Variants in WHAMM observed in about 807,000 individuals in gnomAD.
WHAMM encodes WASP homolog associated with actin, golgi membranes and microtubules, also known as WASP homolog-associated protein with actin, membranes and microtubules.
In WHAMM, 67 loss-of-function variants were observed where a neutral mutation model predicts 76.5. The observed-to-expected ratio is 0.88, with a 90% confidence interval of 0.72 to 1.07. The LOEUF (loss-of-function observed/expected upper bound fraction) is 1.07. WHAMM is among the 50% of genes least tolerant of loss of function. WHAMM has a pLI of 0.00. For synonymous variants in WHAMM, 419 were observed against 422.1 expected (o/e 0.99, Z 0.09); for missense variants, 1,021 against 1,051.1 (o/e 0.97, Z 0.40).
intron 9 of WHAMM, 80 bp from the exon 10 acceptor site, chr15:82,833,149 T>C (rs2051059799): frequency 1.4e-6 from 2 of 1,440,442 alleles, no homozygotes; most frequent in Non-Finnish European, 1.9e-6. Context: ...TGATAGGAGA[T>C]TTCACAATTT....
At chr15:82,823,050 T>C in intron 5 of WHAMM, 50 bp from the exon 6 acceptor site, 1 of 1,267,714 alleles carries the variant, frequency 7.9e-7, no homozygotes, top group Non-Finnish European at 1.0e-6. Flanking sequence ...ATTCAATGCA[T>C]TTTTTAAAAT....
chr15:82,810,094 G>A lies in WHAMM; in HGVS notation c.368G>A (p.Gly123Glu). 7.8e-7 allele frequency: 1 copy of A among 1,276,154 alleles called. No homozygotes were observed. Among genetic ancestry groups the A allele is most frequent in the Non-Finnish European group, 9.9e-7 (1 of 1,010,054 alleles). The allele number at this position is 1,276,154 out of a possible 1,614,324, so 79.1% of individuals were successfully genotyped here. A position where few individuals can be genotyped will look rare whatever the true frequency, so the allele number is the denominator to read the frequency against. ...GGCGGCGGCGGGGCCTGGGGTCTGG[G>A]GCTCGGGCTGTGGGCGCTGCTGTGG... is the stretch of plus-strand genomic sequence containing the variant. The part of the protein sequence containing the change: ...DVGGGGAWGL[G>E]LGLWALLWPT... The change falls in exon 1 of 10, where the codon GGG becomes GAG. Residue 123 changes from glycine (G) to glutamate (E), a missense_variant. Gly to Glu is a moderately conservative substitution (Grantham distance 98). Around this residue, in one of 3 missense-constraint regions of WHAMM, gnomAD observed 501 missense variants for 524.9 expected, o/e 0.95. Coordinates refer to ENST00000286760, the MANE Select transcript of WHAMM (RefSeq NM_001080435.3).
rs750566602 is a variant in WHAMM at position 82,831,071 on chromosome 15, C to T, written c.2114C>T (p.Ser705Leu). 21 of 1,605,686 alleles carry T rather than the reference C, an allele frequency of 1.3e-5. No individual in the cohort carries two copies. In the South Asian group the frequency reaches 2.2e-4, roughly 17 times the overall value. ...ERPRDSLESF[S>L]CPGSMDEVLA... Reference sequence around the variant, plus strand: ...CCACGTGACTCCTTGGAAAGTTTTTCATGTCCAGGTAATCCACTGGAATTC... The same window carrying T: ...CCACGTGACTCCTTGGAAAGTTTTTTATGTCCAGGTAATCCACTGGAATTC... Residue 705 changes from serine to leucine, a missense_variant, in exon 9 of 10, where the codon TCA becomes TTA. Ser to Leu is a moderately radical substitution (Grantham distance 145). Coordinates refer to ENST00000286760, the MANE Select transcript of WHAMM (RefSeq NM_001080435.3).
chr15:82,826,523 C>T (rs369627194), intron 7 of WHAMM, 27 bp downstream of exon 7: 3 of 1,606,996 alleles, frequency 1.9e-6, no homozygotes, highest in African/African-American at 2.7e-5. Context: ...GGAAAATGTT[C>T]TATGTTTGTG....
At position 82,831,034 on chromosome 15, in the gene WHAMM, C is replaced by T; in HGVS notation, c.2077C>T (p.Pro693Ser). 6.2e-7 allele frequency: 1 copy of T among 1,610,974 alleles called. No individual in the cohort carries two copies. Among genetic ancestry groups the T allele is most frequent in the Non-Finnish European group, 8.5e-7 (1 of 1,179,796 alleles). The change falls in exon 9 of 10, where the codon CCT (proline) becomes TCT (serine). Residue 693 changes from proline (P) to serine (S), a missense_variant. Physicochemically the swap from Pro to Ser is moderately conservative, Grantham distance 74. Coordinates refer to ENST00000286760, the MANE Select transcript of WHAMM (RefSeq NM_001080435.3). The stretch of plus-strand genomic sequence containing the variant: ...GCCACGTCCTCTAGTGTGCGAATCA[C>T]CTGCTGAGCGACCACGTGACTCCTT... Reference protein sequence around the residue: ...DQPRPLVCESPAERPRDSLES... With the variant: ...DQPRPLVCESSAERPRDSLES...
chr15:82,815,118 T>C (rs1263158524), intron 2 of WHAMM, among the ~76,000 whole-genome samples: 1 of 17,304 alleles, frequency 5.8e-5, no homozygotes, highest in South Asian at 1.2e-3. Flanking sequence ...ATTTTATATA[T>C]ATATATATAT....
chr15:82,822,082 T>C (rs1815934209), intron 5 of WHAMM, among the ~76,000 whole-genome samples: 2 of 152,170 alleles, frequency 1.3e-5, no homozygotes, highest in African/African-American at 4.8e-5. Context: ...CTCAGAAGGT[T>C]TGGGGAAGGA....
chr15:82,832,589 C>T (rs899975087), intron 9 of WHAMM, among the ~76,000 whole-genome samples: 11 of 152,138 alleles, frequency 7.2e-5, no homozygotes, highest in Admixed American at 3.3e-4. Context: ...ATGTAAGCCA[C>T]CTCAGGGTAA....
At chr15:82,832,036 T>C (rs1193598077) in intron 9 of WHAMM, among the ~76,000 whole-genome samples, 1 of 152,208 alleles carries the variant, frequency 6.6e-6, no homozygotes. Flanking sequence ...CAATGGCCTG[T>C]TTCCATGGGG....
At chr15:82,820,009 G>A (rs1390251552) in intron 5 of WHAMM, among the ~76,000 whole-genome samples, 2 of 150,902 alleles carry the variant, frequency 1.3e-5, no homozygotes, top group Admixed American at 1.3e-4. Flanking sequence ...ACAACAGGGC[G>A]AGACTCCATC....
At chr15:82,810,546 G>A in intron 1 of WHAMM, 1 of 985,478 alleles carries the variant, frequency 1.0e-6, no homozygotes, top group Non-Finnish European at 1.2e-6. Context: ...GAGGACAAGC[G>A]AAGTTAGAGC....
intron 8 of WHAMM, among the ~76,000 whole-genome samples, chr15:82,829,300 G>A (rs983979043): frequency 1.3e-5 from 2 of 152,126 alleles, no homozygotes; most frequent in African/African-American, 2.4e-5. Flanking sequence ...GTGAGACCCC[G>A]TCTCTACAAA....
intron 6 of WHAMM, among the ~76,000 whole-genome samples, chr15:82,824,987 C>T (rs1395459623): frequency 3.3e-5 from 5 of 151,992 alleles, no homozygotes. Context: ...GACCTCATCT[C>T]TATGGTGCGC....
At chr15:82,815,878 C>A (rs996270899) in intron 2 of WHAMM, among the ~76,000 whole-genome samples, 6 of 152,150 alleles carry the variant, frequency 3.9e-5, no homozygotes, top group Non-Finnish European at 7.3e-5. Context: ...TAGCAGTACA[C>A]GTCTTAGTTC....
intron 9 of WHAMM, 98 bp from the exon 10 acceptor site, chr15:82,833,131 G>T (rs745506488): frequency 5.4e-6 from 7 of 1,300,330 alleles, no homozygotes; most frequent in African/African-American, 1.5e-5. Flanking sequence ...TTAAATCATG[G>T]TGTTAACTGA....
At chr15:82,823,035 A>G in intron 5 of WHAMM, 65 bp from the exon 6 acceptor site, 1 of 1,244,760 alleles carries the variant, frequency 8.0e-7, no homozygotes, top group Non-Finnish European at 1.0e-6. Context: ...CTTACATTTA[A>G]AAAAATTCAA....
intron 8 of WHAMM, among the ~76,000 whole-genome samples, chr15:82,828,656 T>G (rs1012252438): frequency 6.6e-6 from 1 of 152,130 alleles, no homozygotes; most frequent in African/African-American, 2.4e-5. Flanking sequence ...GTGGGTGATA[T>G]GAAAATGGGA....
rs60974626 is a variant in WHAMM, at chr15:82,820,896, CAAAAAAAAAAAAAAA to C, written c.1270+1418_1270+1432del. Among the ~76,000 whole-genome samples, 12 of 119,614 alleles carry C rather than the reference CAAAAAAAAAAAAAAA, an allele frequency of 1.0e-4. No homozygotes were observed. In the East Asian group the frequency reaches 2.6e-3, roughly 26 times the overall value. The allele number at this position is 119,614 out of a possible 152,430, so 78.5% of individuals were successfully genotyped here. A position where few individuals can be genotyped will look rare whatever the true frequency, so the allele number is the denominator to read the frequency against. On this transcript the variant is annotated intron_variant, in intron 5 of 9. Transcript: ENST00000286760. ...GGCGGCAGAGTGTAAGACTCTGTCT[CAAAAAAAAAAAAAAA>C]AAAAAAAAAGAAAAAAGATGCTCCC...
intron 6 of WHAMM, 62 bp from the exon 7 acceptor site, chr15:82,826,348 T>C: frequency 6.4e-7 from 1 of 1,564,360 alleles, no homozygotes; most frequent in Non-Finnish European, 8.8e-7. Flanking sequence ...TTTCTTTTAA[T>C]CTTTTATGCT....
Sources: gnomAD v4.1 joint callset for allele counts (sites outside exome capture counted in the v4.1 genomes callset) on GRCh38, gnomAD v4.1.1 for gene constraint, gnomAD v4.1.1 regional missense constraint, MANE v1.5 for transcripts, NCBI Gene and HGNC (gene_info 2026-07-23, HGNC 2026-07-21) for gene names.